Variants in EXT2 observed in about 807,000 individuals in gnomAD.
EXT2 encodes exostosin glycosyltransferase 2, also known as exostosin-2.
Under a neutral mutation model 81.6 loss-of-function variants are expected in EXT2, and 53 were observed. The observed-to-expected ratio is 0.65, with a 90% CI of 0.52 to 0.82. The LOEUF is 0.82. Ranked by LOEUF, EXT2 falls within the 40% of genes least tolerant of loss-of-function variation. EXT2 has a pLI of 0.00. For synonymous variants in EXT2, 320 were observed against 340.0 expected, an observed-to-expected ratio of 0.94 and a Z score of 0.65; for missense variants, 774 against 910.2, an observed-to-expected ratio of 0.85 and a Z score of 1.93.
chr11:44,157,863 C>T (rs1954877552), intron 7 of EXT2, among the ~76,000 whole-genome samples: 1 of 152,206 alleles, frequency 6.6e-6, no homozygotes. Context: ...ATAAGTCTTA[C>T]CCAGGGCCCA....
chr11:44,241,903 C>T (rs1349520468), intron 13 of EXT2, among the ~76,000 whole-genome samples: 1 of 152,214 alleles, frequency 6.6e-6, no homozygotes. Context: ...AGGACCTTGA[C>T]CATTCAGTGG....
chr11:44,204,881 T>C (rs1448316031), intron 9 of EXT2, among the ~76,000 whole-genome samples: 3 of 152,146 alleles, frequency 2.0e-5, no homozygotes, highest in African/African-American at 7.2e-5. Context: ...AATGTATTCA[T>C]ATTTTATAAG....
intron 10 of EXT2, among the ~76,000 whole-genome samples, chr11:44,218,982 T>C (rs2135232913): frequency 6.6e-6 from 1 of 151,854 alleles, no homozygotes; most frequent in South Asian, 2.1e-4. Context: ...GTATTTTTAC[T>C]AGAGATGGGG....
At position 44,245,355 on chromosome 11, in the gene EXT2, A is replaced by G. The variant is rs968413889; in HGVS notation, c.*1068A>G. ...CCAGGGAGGTTCTGGCTAACGTTAA[A>G]TGCTGCTATACAACTGCTTTGCAAC... On this transcript the variant is annotated 3_prime_UTR_variant, in exon 14 of 14. Coordinates refer to ENST00000533608, the MANE Select transcript of EXT2 (RefSeq NM_207122.2). The G allele has an allele frequency of 4.2e-5, 9 of 213,264 alleles. No homozygotes were observed. Among genetic ancestry groups the G allele is most frequent in the African/African-American group, 2.0e-4 (9 of 44,170 alleles). The allele number at this position is 213,264 out of a possible 1,614,324, so 13.2% of individuals were successfully genotyped here.
chr11:44,118,837 G>A lies in EXT2; in HGVS notation c.743+4536G>A, dbSNP rs141171840. Among the ~76,000 whole-genome samples the A allele has an allele frequency of 6.9e-3, 1,048 of 152,018 alleles. 11 individuals carry two copies. The highest frequency in any genetic ancestry group is 0.023 in the African/African-American group (964 of 41,448). On this transcript the variant is annotated intron_variant, in intron 4 of 13. Transcript: ENST00000533608. ...GGTCTTAATTTGGCATATTTATGTAGCACGAGATAGAAATAACTATAAGTA... is the reference window on the plus strand; with the variant it reads ...GGTCTTAATTTGGCATATTTATGTAACACGAGATAGAAATAACTATAAGTA...
At chr11:44,169,219 CA>C (rs1955037083) in intron 7 of EXT2, among the ~76,000 whole-genome samples, 1 of 149,418 alleles carries the variant, frequency 6.7e-6, no homozygotes, top group Non-Finnish European at 1.5e-5. Flanking sequence ...GACTCTGTCT[CA>C]AAAATAAATA....
chr11:44,174,791 G>C (rs781047861), intron 8 of EXT2, among the ~76,000 whole-genome samples: 5 of 152,166 alleles, frequency 3.3e-5, no homozygotes, highest in Non-Finnish European at 5.9e-5. Context: ...AAAGAAAAGG[G>C]TAGGTATTAT....
intron 8 of EXT2, among the ~76,000 whole-genome samples, chr11:44,196,179 A>C (rs933747318): frequency 6.6e-6 from 1 of 152,202 alleles, no homozygotes; most frequent in Non-Finnish European, 1.5e-5. Context: ...CATTTAACTG[A>C]TAACTTTTGA....
intron 8 of EXT2, among the ~76,000 whole-genome samples, chr11:44,187,038 CTT>C (rs1955323448): frequency 6.8e-6 from 1 of 146,492 alleles, no homozygotes; most frequent in Non-Finnish European, 1.5e-5. Context: ...TCCTTCCTTC[CTT>C]CCTTCCCTCC....
intron 11 of EXT2, 88 bp downstream of exon 11, chr11:44,232,584 A>G: frequency 6.5e-7 from 1 of 1,534,414 alleles, no homozygotes; most frequent in South Asian, 1.2e-5. Flanking sequence ...ATACCTGCCA[A>G]GAGGGCTTAG....
At chr11:44,187,650 G>T (rs1331149014) in intron 8 of EXT2, among the ~76,000 whole-genome samples, 1 of 152,108 alleles carries the variant, frequency 6.6e-6, no homozygotes, top group African/African-American at 2.4e-5. Flanking sequence ...TTTAGAATTG[G>T]GTGGGACTCT....
At chr11:44,135,770 C>T (rs1037312128) in intron 7 of EXT2, among the ~76,000 whole-genome samples, 7 of 152,154 alleles carry the variant, frequency 4.6e-5, no homozygotes, top group Non-Finnish European at 8.8e-5. Flanking sequence ...TCACTTTATC[C>T]TGGATATATC....
intron 7 of EXT2, among the ~76,000 whole-genome samples, chr11:44,132,561 T>C (rs1360277526): frequency 6.6e-6 from 1 of 152,172 alleles, no homozygotes; most frequent in African/African-American, 2.4e-5. Flanking sequence ...TCATGTTCCA[T>C]GTGGCTGTTA....
intron 10 of EXT2, among the ~76,000 whole-genome samples, chr11:44,208,675 C>T (rs922221197): frequency 6.6e-5 from 10 of 152,230 alleles, no homozygotes; most frequent in African/African-American, 9.6e-5. Context: ...TTTCTGTCAA[C>T]GTCCCGAGTG....
chr11:44,243,071 AAAT>A (rs1956054587), intron 13 of EXT2, among the ~76,000 whole-genome samples: 1 of 152,206 alleles, frequency 6.6e-6, no homozygotes, highest in South Asian at 2.1e-4. Flanking sequence ...GCTCAAAATG[AAAT>A]AATAACAAAT....
chr11:44,153,563 G>A (rs1458651372), intron 7 of EXT2, among the ~76,000 whole-genome samples: 1 of 152,020 alleles, frequency 6.6e-6, no homozygotes, highest in Non-Finnish European at 1.5e-5. Context: ...TTGAAAAGGA[G>A]TGTGAGAGGG....
rs189267084 is a variant in EXT2 at position 44,235,421 on chromosome 11, A to G, written c.1936-872A>G. ...CATGTCCGGCTAATTTTTTTTTTGT[A>G]TTTTAGTAGAGACGGCATTTCACCA... is the stretch of plus-strand genomic sequence containing the variant. On this transcript the variant is annotated intron_variant, in intron 12 of 13. Transcript: ENST00000533608. Among the ~76,000 whole-genome samples the G allele has an allele frequency of 1.9e-4, 29 of 150,678 alleles. No individual in the cohort carries two copies. The East Asian group carries it at 5.7e-3, about 30-fold the overall frequency.
At chr11:44,236,528 C>G (rs1460460339) in intron 13 of EXT2, among the ~76,000 whole-genome samples, 153 bp downstream of exon 13, 2 of 152,074 alleles carry the variant, frequency 1.3e-5, no homozygotes, top group Non-Finnish European at 2.9e-5. Flanking sequence ...TAGTTCAAGC[C>G]CAGGTCACCC....
chr11:44,200,881 A>G (rs1955514274), intron 9 of EXT2, among the ~76,000 whole-genome samples: 1 of 152,154 alleles, frequency 6.6e-6, no homozygotes, highest in Admixed American at 6.5e-5. Context: ...CTTTGCTCAC[A>G]TTTCTCTTGG....
Sources: gnomAD v4.1 joint callset for allele counts (sites outside exome capture counted in the v4.1 genomes callset) on GRCh38, gnomAD v4.1.1 for gene constraint, MANE v1.5 for transcripts, NCBI Gene and HGNC (gene_info 2026-07-23, HGNC 2026-07-21) for gene names.